The following ZSWIM8 variants were observed in gnomAD, a reference collection of about 807,000 sequenced individuals.
ZSWIM8 encodes the protein zinc finger SWIM domain-containing protein 8.
A neutral mutation model predicts 173.7 loss-of-function variants in ZSWIM8; 27 were observed. The ratio of observed to expected loss-of-function variants is 0.16; its 90% CI spans 0.11 to 0.21. ZSWIM8 has a LOEUF of 0.21. Ranked by LOEUF, ZSWIM8 falls within the 10% of genes least tolerant of loss-of-function variation. The pLI, the probability that ZSWIM8 is intolerant of heterozygous loss-of-function variation, is 1.00. For synonymous variants in ZSWIM8, 958 were observed against 962.0 expected (o/e 1.00, Z 0.08); for missense variants, 1,627 against 2,428.8 (o/e 0.67, Z 6.94).
Position 73,787,875 on chromosome 10 carries a change from AAAAAT to A in ZSWIM8, c.209-786_209-782del, listed in dbSNP as rs149528162. Among the ~76,000 whole-genome samples the A allele has an allele frequency of 6.4e-3, 971 of 152,282 alleles. 5 individuals are homozygous for A. The highest frequency in any genetic ancestry group is 0.027 in the Middle Eastern group (8 of 294). Reference sequence around the variant, plus strand: ...CTCAAAATAAATAAATAAAAATCAAAAAAATAAAATAAAGGGGTTAACTCTTCTAA... The same window carrying A: ...CTCAAAATAAATAAATAAAAATCAAAAAAATAAAGGGGTTAACTCTTCTAA... On this transcript the variant is annotated intron_variant, in intron 1 of 25. Coordinates refer to ENST00000604729, the MANE Select transcript of ZSWIM8 (RefSeq NM_001367799.1).
chr10:73,788,626 AT>A, intron 1 of ZSWIM8, 43 bp from the exon 2 acceptor site: 1 of 1,604,690 alleles, frequency 6.2e-7, no homozygotes, highest in Non-Finnish European at 8.5e-7. Context: ...GGCCCTTTTC[AT>A]TTCCTATTCT....
chr10:73,797,169 A>G lies in ZSWIM8; in HGVS notation c.3331A>G (p.Arg1111Gly). 6.2e-7 allele frequency: 1 copy of G among 1,613,880 alleles called. No individual in the cohort carries two copies. Among genetic ancestry groups the G allele is most frequent in the Non-Finnish European group, 8.5e-7 (1 of 1,179,836 alleles). Residue 1111 changes from arginine (R) to glycine (G), a missense_variant, in exon 17 of 26, where the codon AGG becomes GGG. Transcript: ENST00000604729. This position sits in a 1 kb window ranked among gnomAD's most constrained non-coding sequence, Gnocchi z 5.6. ...TCCATCTGAGGCAGCTTTGACCCCA[A>G]GGCCAGAAGGGAAGGTTCCTAGCCG... ...GLPSEAALTP[R>G]PEGKVPSRLA...
chr10:73,798,867 C>CTTT, intron 20 of ZSWIM8, 135 bp from the exon 21 acceptor site: 1 of 1,227,430 alleles, frequency 8.1e-7, no homozygotes, highest in Non-Finnish European at 1.1e-6. Flanking sequence ...TGATAATGGA[C>CTTT]TCTAAGCATT....
rs776224088 is a variant in ZSWIM8 at position 73,789,165 on chromosome 10, G to T, written c.432G>T (p.Arg144=). 1 of 1,613,882 alleles carries T rather than the reference G, an allele frequency of 6.2e-7. No individual in the cohort carries two copies. The highest frequency in any genetic ancestry group is 8.5e-7 in the Non-Finnish European group (1 of 1,179,880). ...GAGGGGATCAGCTCTTCCGCATGCGGGCTGTGAAGGACCCATTGCAGATAG... is the reference window on the plus strand; with the variant it reads ...GAGGGGATCAGCTCTTCCGCATGCGTGCTGTGAAGGACCCATTGCAGATAG... ...FQRGDQLFRM[R]AVKDPLQIGF... The change falls in exon 3 of 26, where the codon CGG becomes CGT. Residue 144 remains arginine, a synonymous_variant. Transcript: ENST00000604729. This position sits in a 1 kb window ranked among gnomAD's most constrained non-coding sequence, Gnocchi z 6.8.
intron 21 of ZSWIM8, 27 bp downstream of exon 21, chr10:73,799,517 A>G (rs766417884): frequency 5.0e-6 from 8 of 1,586,344 alleles, no homozygotes; most frequent in Non-Finnish European, 6.9e-6. Context: ...GCTGGGGGGT[A>G]AGGCATGGGA....
chr10:73,798,446 A>G lies in ZSWIM8; in HGVS notation c.4169A>G (p.Lys1390Arg), dbSNP rs755396903. The G allele has an allele frequency of 2.3e-5, 37 of 1,612,000 alleles. No individual in the cohort carries two copies. The highest frequency in any genetic ancestry group is 9.3e-5 in the African/African-American group (7 of 74,916). Residue 1390 changes from lysine to arginine, a missense_variant, in exon 20 of 26, where the codon AAG becomes AGG. Transcript: ENST00000604729. Reference protein sequence around the residue: ...NEIQRALVQCKEQDNLMLEKA... With the variant: ...NEIQRALVQCREQDNLMLEKA... The stretch of plus-strand genomic sequence containing the variant: ...ATCCAGCGGGCCCTGGTGCAGTGCA[A>G]GGAACAGGTATTTCTACGGGCAATC...
At position 73,801,792 on chromosome 10, in the gene ZSWIM8, T is replaced by C. The variant is rs1010275638; in HGVS notation, c.*273T>C. 3 of 1,381,564 alleles carry C rather than the reference T, an allele frequency of 2.2e-6. No individual in the cohort carries two copies. Among genetic ancestry groups the C allele is most frequent in the Non-Finnish European group, 2.8e-6 (3 of 1,054,000 alleles). 85.6% of individuals were successfully genotyped at this position (1,381,564 alleles called of 1,614,324 possible). On this transcript the variant is annotated 3_prime_UTR_variant, in exon 26 of 26. Transcript: ENST00000604729. The surrounding 1 kb of genome is among the most constrained non-coding windows in gnomAD (Gnocchi z 4.9). The stretch of plus-strand genomic sequence containing the variant: ...AAATATATAAACTCCTTTTTTACTC[T>C]AGTCGACCTGGGCCTTTCCCTTCTT...
At chr10:73,788,862 A>G in intron 2 of ZSWIM8, 39 bp downstream of exon 2, 1 of 1,609,816 alleles carries the variant, frequency 6.2e-7, no homozygotes, top group Non-Finnish European at 8.5e-7. Flanking sequence ...CGGGGTCCTG[A>G]TACTCCACAC....
chr10:73,797,359 A>C lies in ZSWIM8; in HGVS notation c.3434-18A>C. 1 of 1,613,188 alleles carries C rather than the reference A, an allele frequency of 6.2e-7. No homozygotes were observed. The highest frequency in any genetic ancestry group is 8.5e-7 in the Non-Finnish European group (1 of 1,179,374). On this transcript the variant is annotated intron_variant, in intron 17 of 25. Transcript: ENST00000604729. This position sits in a 1 kb window ranked among gnomAD's most constrained non-coding sequence, Gnocchi z 5.6. ...CTGGGACTCCTGACTTCTGAGACTGACTTCTCTTGGGGGTTAGGCATGGCC... is the reference window on the plus strand; with the variant it reads ...CTGGGACTCCTGACTTCTGAGACTGCCTTCTCTTGGGGGTTAGGCATGGCC...
At chr10:73,793,548 T>C in intron 10 of ZSWIM8, 40 bp from the exon 11 acceptor site, 1 of 1,532,626 alleles carries the variant, frequency 6.5e-7, no homozygotes, top group Non-Finnish European at 8.8e-7. Context: ...CTCCTGGAAG[T>C]TGGGACTTTA....
rs1283964978 is a variant in ZSWIM8, at chr10:73,801,350, C to T, written c.5336C>T (p.Ala1779Val). The T allele has an allele frequency of 4.3e-6, 7 of 1,613,848 alleles. No individual in the cohort carries two copies. The highest frequency in any genetic ancestry group is 2.2e-5 in the East Asian group (1 of 44,896). ...IHHRLIHLTP[A>V]DYDDFVNAIR... is the part of the protein sequence containing the mutation. ...CACCGCTTGATTCACCTGACTCCTG[C>T]GGACTACGACGACTTTGTGAATGCG... Residue 1779 changes from alanine to valine, a missense_variant, in exon 26 of 26, where the codon GCG becomes GTG. Physicochemically the swap from Ala to Val is moderately conservative, Grantham distance 64. This residue lies in a region of ZSWIM8 where 122 missense variants were observed against 196.1 expected (regional missense o/e 0.62). Transcript: ENST00000604729. The surrounding 1 kb of genome is among the most constrained non-coding windows in gnomAD (Gnocchi z 4.9).
rs530541959 is a variant in ZSWIM8, at chr10:73,792,040, G to A, written c.1501G>A (p.Asp501Asn). 78 of 1,547,928 alleles carry A rather than the reference G, an allele frequency of 5.0e-5. No homozygotes were observed. The highest frequency in any genetic ancestry group is 6.7e-5 in the Non-Finnish European group (77 of 1,144,470). Residue 501 changes from aspartate to asparagine, a missense_variant, in exon 10 of 26, where the codon GAC (aspartate) becomes AAC (asparagine). Transcript: ENST00000604729. The surrounding 1 kb of genome is among the most constrained non-coding windows in gnomAD (Gnocchi z 4.3). Reference sequence around the variant, plus strand: ...TCCTGGTGTCACCTACAGCGGCACTGACAGGAAGCTGGCACTGTGCTGGGC... The same window carrying A: ...TCCTGGTGTCACCTACAGCGGCACTAACAGGAAGCTGGCACTGTGCTGGGC... ...PLPGVTYSGT[D>N]RKLALCWARA...
At position 73,791,825 on chromosome 10, in the gene ZSWIM8, C is replaced by G. The variant is rs776219969; in HGVS notation, c.1320-34C>G. On this transcript the variant is annotated intron_variant, in intron 9 of 25. Coordinates refer to ENST00000604729, the MANE Select transcript of ZSWIM8 (RefSeq NM_001367799.1). The surrounding 1 kb of genome is among the most constrained non-coding windows in gnomAD (Gnocchi z 6.0). The stretch of plus-strand genomic sequence containing the variant: ...CTCCATGCCCATCCTTTCCCAGTAG[C>G]CCCTCAGCAGCCTCCTGCCCCTTGT... The G allele has an allele frequency of 1.4e-6, 2 of 1,478,480 alleles. No homozygotes were observed. Among genetic ancestry groups the G allele is most frequent in the Non-Finnish European group, 1.8e-6 (2 of 1,106,238 alleles). 91.6% of individuals were successfully genotyped at this position (1,478,480 alleles called of 1,614,324 possible).
At chr10:73,788,240 TAAAA>T (rs71482558) in intron 1 of ZSWIM8, among the ~76,000 whole-genome samples, 2 of 135,384 alleles carry the variant, frequency 1.5e-5, no homozygotes, top group Non-Finnish European at 1.6e-5. Context: ...AAGGGATGGT[TAAAA>T]AAAAAAAAAA....
In ZSWIM8 at chr10:73,791,005, G is replaced by C; in HGVS notation, c.972G>C (p.Thr324=). ...SDVNSMYLSS[T]EPPAAAEWAC... ...TGAACTCCATGTATCTGTCTTCCAC[G>C]GAGCCGCCAGCCGCTGCTGAATGGG... Residue 324 remains threonine, a synonymous_variant, in exon 8 of 26, where the codon ACG becomes ACC. Transcript: ENST00000604729. This position sits in a 1 kb window ranked among gnomAD's most constrained non-coding sequence, Gnocchi z 6.0. 6.2e-7 allele frequency: 1 copy of C among 1,612,322 alleles called. No homozygotes were observed. The highest frequency in any genetic ancestry group is 8.5e-7 in the Non-Finnish European group (1 of 1,179,866).
rs2083451577 is a variant in ZSWIM8 at position 73,792,470 on chromosome 10, C to T, written c.1931C>T (p.Pro644Leu). The change falls in exon 10 of 26, where the codon CCT (proline) becomes CTT (leucine). Residue 644 changes from proline (P) to leucine (L), a missense_variant. This residue lies in a region of ZSWIM8 where 383 missense variants were observed against 394.8 expected (regional missense o/e 0.97). Transcript: ENST00000604729. This position sits in a 1 kb window ranked among gnomAD's most constrained non-coding sequence, Gnocchi z 4.3. The part of the protein sequence containing the change: ...ASTFGGFPES[P>L]PPCPLHGGSR... Reference sequence around the variant, plus strand: ...ACCTTCGGGGGATTCCCTGAGAGCCCTCCACCCTGTCCTCTCCACGGTGGC... The same window carrying T: ...ACCTTCGGGGGATTCCCTGAGAGCCTTCCACCCTGTCCTCTCCACGGTGGC... 1.2e-6 allele frequency: 2 copies of T among 1,610,918 alleles called. No individual in the cohort carries two copies. Among genetic ancestry groups the T allele is most frequent in the Non-Finnish European group, 1.7e-6 (2 of 1,178,494 alleles).
In ZSWIM8 at chr10:73,789,877, A is replaced by G. The variant is rs1284732920; in HGVS notation, c.738+53A>G. The stretch of plus-strand genomic sequence containing the variant: ...AATTAGCTCCGGGCCAGGCCGCATA[A>G]CAGCCTTCCTGTTAGGCCCAGGCCT... On this transcript the variant is annotated intron_variant, in intron 5 of 25. Coordinates refer to ENST00000604729, the MANE Select transcript of ZSWIM8 (RefSeq NM_001367799.1). The surrounding 1 kb of genome is among the most constrained non-coding windows in gnomAD (Gnocchi z 6.8). 6.3e-7 allele frequency: 1 copy of G among 1,584,864 alleles called. No homozygotes were observed. The highest frequency in any genetic ancestry group is 1.8e-5 in the Admixed American group (1 of 55,714).
chr10:73,789,232 C>T lies in ZSWIM8; in HGVS notation c.457+42C>T, dbSNP rs753878245. 30 of 1,611,062 alleles carry T rather than the reference C, an allele frequency of 1.9e-5. No homozygotes were observed. In the African/African-American group the frequency reaches 3.9e-4, roughly 21 times the overall value. On this transcript the variant is annotated intron_variant, in intron 3 of 25. Coordinates refer to ENST00000604729, the MANE Select transcript of ZSWIM8 (RefSeq NM_001367799.1). The surrounding 1 kb of genome is among the most constrained non-coding windows in gnomAD (Gnocchi z 6.8). ...GCCATGTGGCACATCCTGCTCCTCC[C>T]ATCCCCTGGCTTATGAAGTAAGAAC...
chr10:73,791,940 G>A lies in ZSWIM8; in HGVS notation c.1401G>A (p.Thr467=), dbSNP rs777258766. 8.4e-6 allele frequency: 13 copies of A among 1,551,740 alleles called. No homozygotes were observed. In the East Asian group the frequency reaches 9.8e-5, roughly 12 times the overall value. ...TCAAGCGGGGCCAACACAAGAAGAC[G>A]CTGGAGCGGCTCTTCCCCGGCTTCC... The part of the protein sequence containing the change: ...ENVKRGQHKK[T]LERLFPGFRP... The change falls in exon 10 of 26, where the codon ACG becomes ACA. Residue 467 remains threonine, a synonymous_variant. Coordinates refer to ENST00000604729, the MANE Select transcript of ZSWIM8 (RefSeq NM_001367799.1). This position sits in a 1 kb window ranked among gnomAD's most constrained non-coding sequence, Gnocchi z 6.0.
Sources: allele counts gnomAD v4.1 joint callset (sites outside exome capture counted in the v4.1 genomes callset), GRCh38; gene constraint gnomAD v4.1.1; regional missense constraint gnomAD v4.1.1; non-coding constraint Gnocchi (gnomAD v3.1); transcripts MANE v1.5; gene names NCBI Gene and HGNC (gene_info 2026-07-23, HGNC 2026-07-21).